The following ACAN variants were observed in gnomAD, a reference collection of about 807,000 sequenced individuals.
The protein encoded by ACAN is aggrecan core protein.
ACAN carries 47 observed loss-of-function variants against 169.1 expected under a neutral mutation model. The observed-to-expected ratio is 0.28, with a 90% confidence interval of 0.22 to 0.35. The LOEUF is 0.35. Ranked by LOEUF, ACAN falls within the 10% of genes least tolerant of loss-of-function variation. The pLI is 1.00. For synonymous variants in ACAN, 1,115 were observed against 1,112.2 expected, an observed-to-expected ratio of 1.00 and a Z score of -0.05; for missense variants, 2,716 against 2,759.9, an observed-to-expected ratio of 0.98 and a Z score of 0.36.
In ACAN at chr15:88,845,707, C is replaced by T. The variant is rs751930065; in HGVS notation, c.1254C>T (p.Phe418=). 6.2e-7 allele frequency: 1 copy of T among 1,613,992 alleles called. No individual in the cohort carries two copies. The highest frequency in any genetic ancestry group is 8.5e-7 in the Non-Finnish European group (1 of 1,179,882). ...SPSPLEPEEP[F]TFAPEIGATA... The stretch of plus-strand genomic sequence containing the variant: ...GTCCCCTGGAACCCGAGGAGCCCTT[C>T]ACGTTTGCCCCTGAAATAGGGGCCA... The change falls in exon 7 of 19, where the codon TTC becomes TTT. Residue 418 remains phenylalanine (F), a synonymous_variant. Transcript: ENST00000560601.
At chr15:88,818,953 T>C (rs1166953481) in intron 1 of ACAN, among the ~76,000 whole-genome samples, 10 of 152,228 alleles carry the variant, frequency 6.6e-5, no homozygotes, top group Non-Finnish European at 4.4e-5. Flanking sequence ...GAAAACATAA[T>C]CAATTTTTTA....
chr15:88,804,786 T>A (rs578213223), intron 1 of ACAN, among the ~76,000 whole-genome samples: 2 of 152,332 alleles, frequency 1.3e-5, no homozygotes, highest in South Asian at 4.1e-4. Flanking sequence ...AGGATCCTAC[T>A]AGGGTTTCAC....
chr15:88,817,067 T>C (rs1249516751), intron 1 of ACAN, among the ~76,000 whole-genome samples: 1 of 152,178 alleles, frequency 6.6e-6, no homozygotes, highest in Admixed American at 6.5e-5. Flanking sequence ...TACATAAAAC[T>C]CCTGCTCTCC....
Position 88,851,882 on chromosome 15 carries a change from G to C in ACAN, c.2115G>C (p.Val705=), listed in dbSNP as rs1340355739. The change falls in exon 11 of 19, where the codon GTG becomes GTC. Residue 705 remains valine (V), a synonymous_variant. Transcript: ENST00000560601. The surrounding 1 kb of genome is among the most constrained non-coding windows in gnomAD (Gnocchi z 4.3). ...TGGAGGAGTGGATCGTGACCCAAGT[G>C]GTTCCTGGTGTGGCTGCTGTCCCCG... The part of the protein sequence containing the change: ...SGVEEWIVTQ[V]VPGVAAVPVE... The C allele has an allele frequency of 6.2e-7, 1 of 1,612,548 alleles. No individual in the cohort carries two copies.
In ACAN at chr15:88,843,297, A is replaced by AT; in HGVS notation, c.758-57dup. On this transcript the variant is annotated intron_variant, in intron 5 of 18. Coordinates refer to ENST00000560601, the MANE Select transcript of ACAN (RefSeq NM_001369268.1). This position sits in a 1 kb window ranked among gnomAD's most constrained non-coding sequence, Gnocchi z 4.0. ...TGGAAAAGTGTGGATCTCTCTGGGG[A>AT]TGCAGAGCAGGGGGAGGGGGGAGAA... 1 of 1,399,256 alleles carries AT rather than the reference A, an allele frequency of 7.1e-7. No homozygotes were observed. The highest frequency in any genetic ancestry group is 9.3e-7 in the Non-Finnish European group (1 of 1,073,740). 86.7% of individuals were successfully genotyped at this position (1,399,256 alleles called of 1,614,324 possible).
At chr15:88,832,089 G>T (rs907611642) in intron 1 of ACAN, among the ~76,000 whole-genome samples, 2 of 152,116 alleles carry the variant, frequency 1.3e-5, no homozygotes, top group African/African-American at 4.8e-5. Flanking sequence ...ACCTTGTGAT[G>T]GAATGAGCAC....
At chr15:88,804,525 A>G in intron 1 of ACAN, among the ~76,000 whole-genome samples, 1 of 152,026 alleles carries the variant, frequency 6.6e-6, no homozygotes, top group East Asian at 1.9e-4. Flanking sequence ...AAGAAAGGGG[A>G]GGGGAGTTGA....
intron 1 of ACAN, among the ~76,000 whole-genome samples, chr15:88,825,476 A>G (rs1017598359): frequency 2.6e-5 from 4 of 152,216 alleles, no homozygotes; most frequent in Non-Finnish European, 5.9e-5. Context: ...ATAGTACATT[A>G]TGAGTCAAAG....
chr15:88,811,415 G>A (rs920890851), intron 1 of ACAN, among the ~76,000 whole-genome samples: 1 of 152,222 alleles, frequency 6.6e-6, no homozygotes, highest in African/African-American at 2.4e-5. Context: ...GACCCCACCA[G>A]GTAGGGCTTA....
chr15:88,826,566 G>A (rs1462996235), intron 1 of ACAN, among the ~76,000 whole-genome samples: 1 of 151,844 alleles, frequency 6.6e-6, no homozygotes, highest in Non-Finnish European at 1.5e-5. Context: ...AGTCCCACTT[G>A]GGAACCCCCT....
chr15:88,864,398 GC>G (rs1361404722), intron 13 of ACAN, among the ~76,000 whole-genome samples: 1 of 151,766 alleles, frequency 6.6e-6, no homozygotes, highest in Non-Finnish European at 1.5e-5. Flanking sequence ...CTCCCAAGTA[GC>G]TGGGATTACA....
chr15:88,859,509 C>A, intron 12 of ACAN, 92 bp downstream of exon 12: 1 of 1,511,956 alleles, frequency 6.6e-7, no homozygotes, highest in Non-Finnish European at 9.0e-7. Flanking sequence ...CTTTAAGGTT[C>A]CAAGAACAAC....
intron 1 of ACAN, among the ~76,000 whole-genome samples, chr15:88,810,579 A>C (rs796407927): frequency 6.6e-6 from 1 of 152,100 alleles, no homozygotes; most frequent in South Asian, 2.1e-4. Flanking sequence ...TTTGACCTGC[A>C]TATCCAGATG....
Position 88,866,005 on chromosome 15 carries a change from C to T in ACAN, c.6947-2211C>T, listed in dbSNP as rs993495774. ...CCCTCCTCATCTGTAAATCCAGGGCCGTGAAAAAAAAAATTCTGAGCCCCG... is the reference window on the plus strand; with the variant it reads ...CCCTCCTCATCTGTAAATCCAGGGCTGTGAAAAAAAAAATTCTGAGCCCCG... On this transcript the variant is annotated intron_variant, in intron 13 of 18. Transcript: ENST00000560601. The surrounding 1 kb of genome is among the most constrained non-coding windows in gnomAD (Gnocchi z 5.6). Among the ~76,000 whole-genome samples the T allele has an allele frequency of 1.2e-4, 18 of 151,896 alleles. No individual in the cohort carries two copies. Among genetic ancestry groups the T allele is most frequent in the Admixed American group, 2.6e-4 (4 of 15,252 alleles).
chr15:88,826,642 C>T (rs1046973848), intron 1 of ACAN, among the ~76,000 whole-genome samples: 1 of 152,188 alleles, frequency 6.6e-6, no homozygotes, highest in Admixed American at 6.5e-5. Context: ...ATTCCAGGCA[C>T]TCTGCCCATA....
In ACAN at chr15:88,851,539, A is replaced by C. The variant is rs1350034915; in HGVS notation, c.2027-255A>C. On this transcript the variant is annotated intron_variant, in intron 10 of 18. Coordinates refer to ENST00000560601, the MANE Select transcript of ACAN (RefSeq NM_001369268.1). This position sits in a 1 kb window ranked among gnomAD's most constrained non-coding sequence, Gnocchi z 4.3. ...TTTTAGATACACAAGGCTTTAGAGC[A>C]ATGCCCGGCATATATGGTCAATTCT... 2 of 439,744 alleles carry C rather than the reference A, an allele frequency of 4.5e-6. No homozygotes were observed. Among genetic ancestry groups the C allele is most frequent in the Non-Finnish European group, 8.1e-6 (2 of 245,522 alleles). 27.2% of individuals were successfully genotyped at this position (439,744 alleles called of 1,614,324 possible).
At chr15:88,852,753 G>A (rs1412059614) in intron 11 of ACAN, among the ~76,000 whole-genome samples, 2 of 152,190 alleles carry the variant, frequency 1.3e-5, no homozygotes, top group Admixed American at 6.5e-5. Context: ...GAACCACAGA[G>A]CCTCCCCCCA....
intron 6 of ACAN, among the ~76,000 whole-genome samples, chr15:88,844,385 T>G (rs560651245): frequency 6.6e-6 from 1 of 151,454 alleles, no homozygotes; most frequent in African/African-American, 2.4e-5. Flanking sequence ...TTATTATTAT[T>G]ATTGTTGAGA....
chr15:88,867,510 T>C (rs1429862463), intron 13 of ACAN, among the ~76,000 whole-genome samples: 1 of 152,166 alleles, frequency 6.6e-6, no homozygotes, highest in Non-Finnish European at 1.5e-5. Flanking sequence ...AAGGAGATTA[T>C]ATGGGGAAAT....
Sources: allele counts gnomAD v4.1 joint callset (sites outside exome capture counted in the v4.1 genomes callset), GRCh38; gene constraint gnomAD v4.1.1; non-coding constraint Gnocchi (gnomAD v3.1); transcripts MANE v1.5; gene names NCBI Gene and HGNC (gene_info 2026-07-23, HGNC 2026-07-21).